The following NRXN1 variants were observed in gnomAD, a reference collection of about 807,000 sequenced individuals.
NRXN1 encodes the protein neurexin-1.
NRXN1 carries 39 observed loss-of-function variants against 150.9 expected under a neutral mutation model. That is an observed-to-expected ratio of 0.26 (90% CI 0.20 to 0.34). The LOEUF (loss-of-function observed/expected upper bound fraction) is 0.34. NRXN1 is among the 10% of genes least tolerant of loss of function. The probability of loss-of-function intolerance (pLI) is 1.00; values close to 1 mark genes in which losing one functional copy is unlikely to be tolerated. For synonymous variants in NRXN1, 924 were observed against 757.0 expected (o/e 1.22, Z -3.62); for missense variants, 1,815 against 1,949.9 (o/e 0.93, Z 1.30).
chr2:50,764,330 C>T (rs1702151001), intron 5 of NRXN1, among the ~76,000 whole-genome samples: 2 of 151,916 alleles, frequency 1.3e-5, no homozygotes, highest in Admixed American at 1.3e-4. Flanking sequence ...ACATTCATAC[C>T]ATACTTTGCG....
intron 17 of NRXN1, among the ~76,000 whole-genome samples, chr2:50,252,650 T>C (rs1336364054): frequency 6.6e-6 from 1 of 152,180 alleles, no homozygotes; most frequent in Non-Finnish European, 1.5e-5. Flanking sequence ...CTAGCCAGTT[T>C]TCCCAACACC....
At chr2:50,269,434 G>C (rs1056982523) in intron 17 of NRXN1, among the ~76,000 whole-genome samples, 1 of 152,120 alleles carries the variant, frequency 6.6e-6, no homozygotes, top group Non-Finnish European at 1.5e-5. Context: ...CCATGATTAC[G>C]TCTACGTATT....
intron 21 of NRXN1, among the ~76,000 whole-genome samples, chr2:49,944,730 C>G (rs1672586305): frequency 6.6e-6 from 1 of 152,032 alleles, no homozygotes; most frequent in African/African-American, 2.4e-5. Context: ...AACAGAGAAT[C>G]CAATGTATAC....
At chr2:50,977,096 T>C (rs1024427782) in intron 2 of NRXN1, among the ~76,000 whole-genome samples, 2 of 151,914 alleles carry the variant, frequency 1.3e-5, no homozygotes, top group Non-Finnish European at 2.9e-5. Context: ...ATGACATAAA[T>C]AGTAATTTGT....
chr2:50,324,187 T>C (rs2076231854), intron 17 of NRXN1, among the ~76,000 whole-genome samples: 1 of 152,194 alleles, frequency 6.6e-6, no homozygotes, highest in African/African-American at 2.4e-5. Flanking sequence ...AGAAAGCTAC[T>C]GAAATGTTCT....
At chr2:50,069,889 C>T (rs1695965408) in intron 19 of NRXN1, among the ~76,000 whole-genome samples, 1 of 140,550 alleles carries the variant, frequency 7.1e-6, no homozygotes, top group Non-Finnish European at 1.5e-5. Flanking sequence ...CTCGCTCTGT[C>T]ACCCAGGCTG....
intron 17 of NRXN1, among the ~76,000 whole-genome samples, chr2:50,295,415 A>T (rs964996637): frequency 6.6e-6 from 1 of 152,196 alleles, no homozygotes; most frequent in Non-Finnish European, 1.5e-5. Context: ...CTTCTACTCA[A>T]TATTAAATGG....
intron 5 of NRXN1, among the ~76,000 whole-genome samples, chr2:50,821,600 A>C (rs541934250): frequency 2.0e-5 from 3 of 152,324 alleles, no homozygotes; most frequent in Non-Finnish European, 4.4e-5. Context: ...TTATAGGTTA[A>C]GTGTCTTGTG....
At chr2:49,996,132 A>G (rs1176015435) in intron 21 of NRXN1, among the ~76,000 whole-genome samples, 1 of 152,170 alleles carries the variant, frequency 6.6e-6, no homozygotes, top group Non-Finnish European at 1.5e-5. Flanking sequence ...ACTTTCTCCT[A>G]CCTTGTATTA....
chr2:50,260,007 T>C (rs1037728067), intron 17 of NRXN1, among the ~76,000 whole-genome samples: 2 of 151,838 alleles, frequency 1.3e-5, no homozygotes, highest in African/African-American at 4.8e-5. Context: ...TACCTTTCAA[T>C]AGTGGGAGGA....
At chr2:50,352,034 A>G (rs996333426) in intron 17 of NRXN1, among the ~76,000 whole-genome samples, 7 of 152,140 alleles carry the variant, frequency 4.6e-5, no homozygotes, top group Non-Finnish European at 8.8e-5. Context: ...GTTCACACTC[A>G]GTTGCCGCCA....
intron 2 of NRXN1, among the ~76,000 whole-genome samples, chr2:51,008,816 C>A (rs1462071261): frequency 2.0e-5 from 3 of 151,572 alleles, no homozygotes; most frequent in Non-Finnish European, 4.4e-5. Context: ...TCATATACTT[C>A]TATTTTTTAT....
At chr2:50,060,787 C>T (rs1013738857) in intron 19 of NRXN1, among the ~76,000 whole-genome samples, 1 of 152,176 alleles carries the variant, frequency 6.6e-6, no homozygotes, top group Non-Finnish European at 1.5e-5. Flanking sequence ...GTAAGACATG[C>T]CTTTGCTCCT....
chr2:50,086,851 C>T (rs1563025), intron 19 of NRXN1, among the ~76,000 whole-genome samples: 47 of 136,544 alleles, frequency 3.4e-4, no homozygotes, highest in African/African-American at 1.4e-3. Flanking sequence ...AGAGAGAGAG[C>T]GAGCCGAAAA....
chr2:50,950,542 C>T (rs999558515), intron 2 of NRXN1, among the ~76,000 whole-genome samples: 3 of 152,102 alleles, frequency 2.0e-5, no homozygotes, highest in Non-Finnish European at 2.9e-5. Context: ...ACCTTTGTTG[C>T]TATTAACATT....
intron 18 of NRXN1, among the ~76,000 whole-genome samples, chr2:50,144,610 T>G (rs1476248265): frequency 6.6e-6 from 1 of 151,890 alleles, no homozygotes; most frequent in African/African-American, 2.4e-5. Flanking sequence ...TGATAACCTT[T>G]GATTTAGTGT....
At chr2:50,306,758 T>C (rs1046029696) in intron 17 of NRXN1, among the ~76,000 whole-genome samples, 3 of 152,246 alleles carry the variant, frequency 2.0e-5, no homozygotes, top group African/African-American at 7.2e-5. Context: ...TACTGACATT[T>C]TTGAGTGTAA....
intron 5 of NRXN1, among the ~76,000 whole-genome samples, chr2:50,638,848 A>G (rs1387017565): frequency 1.3e-5 from 2 of 152,144 alleles, no homozygotes; most frequent in South Asian, 2.1e-4. Context: ...AATTCACAAA[A>G]CTATACAAGT....
At chr2:50,260,888 G>T (rs1180020812) in intron 17 of NRXN1, among the ~76,000 whole-genome samples, 1 of 151,452 alleles carries the variant, frequency 6.6e-6, no homozygotes, top group Admixed American at 6.6e-5. Context: ...GTTCCTCTAC[G>T]GCTCCTCCAA....
Sources: gnomAD v4.1 joint callset for allele counts (sites outside exome capture counted in the v4.1 genomes callset) on GRCh38, gnomAD v4.1.1 for gene constraint, MANE v1.5 for transcripts, NCBI Gene and HGNC (gene_info 2026-07-23, HGNC 2026-07-21) for gene names.